Variants in MANEA observed in about 807,000 individuals in gnomAD.
MANEA encodes the protein mannosidase endo-alpha.
In MANEA, 25 loss-of-function variants were observed where a neutral mutation model predicts 36.8. The ratio of observed to expected loss-of-function variants is 0.68; its 90% CI spans 0.50 to 0.95. The LOEUF is 0.95. MANEA is among the 40% of genes least tolerant of loss of function. MANEA has a pLI of 0.00. For synonymous variants in MANEA, 198 were observed against 188.5 expected (o/e 1.05, Z -0.41); for missense variants, 565 against 558.8 (o/e 1.01, Z -0.11).
intron 3 of MANEA, among the ~76,000 whole-genome samples, chr6:95,601,274 T>G (rs1582229215): frequency 6.6e-6 from 1 of 152,178 alleles, no homozygotes; most frequent in Non-Finnish European, 1.5e-5. Context: ...GGAACAATTT[T>G]TTGAGTAAGA....
At chr6:95,594,159 C>A (rs182858888) in intron 2 of MANEA, among the ~76,000 whole-genome samples, 182 of 151,868 alleles carry the variant, frequency 1.2e-3, no homozygotes, top group African/African-American at 4.1e-3. Context: ...AGGGAAAAAA[C>A]AGAGAATGTT....
chr6:95,608,577 G>C lies in MANEA; in HGVS notation c.*2172G>C, dbSNP rs1003162497. ...AGATAAAGCAGATTCTGTCTTCATTGCAAAAAGTTATTCTCAATGGAAGAA... is the reference window on the plus strand; with the variant it reads ...AGATAAAGCAGATTCTGTCTTCATTCCAAAAAGTTATTCTCAATGGAAGAA... On this transcript the variant is annotated 3_prime_UTR_variant, in exon 5 of 5. Coordinates refer to ENST00000358812, the MANE Select transcript of MANEA (RefSeq NM_024641.4). 6.6e-6 allele frequency: 1 copy of C among 151,650 alleles called. No individual in the cohort carries two copies. The highest frequency in any genetic ancestry group is 2.4e-5 in the African/African-American group (1 of 41,356). 9.4% of individuals were successfully genotyped at this position (151,650 alleles called of 1,614,324 possible).
chr6:95,581,362 CAG>C (rs1172557462), intron 1 of MANEA, among the ~76,000 whole-genome samples: 1 of 151,630 alleles, frequency 6.6e-6, no homozygotes, highest in Non-Finnish European at 1.5e-5. Flanking sequence ...AATGAGAAGA[CAG>C]AGGATCAGCT....
chr6:95,599,590 T>C (rs557859791), intron 3 of MANEA, among the ~76,000 whole-genome samples: 2 of 152,200 alleles, frequency 1.3e-5, no homozygotes, highest in Non-Finnish European at 2.9e-5. Flanking sequence ...GTAAGATATG[T>C]TATGGACCAC....
chr6:95,605,454 T>G (rs9372484), intron 4 of MANEA, among the ~76,000 whole-genome samples: 2 of 151,878 alleles, frequency 1.3e-5, no homozygotes, highest in East Asian at 3.9e-4. Flanking sequence ...TTAGGTATTA[T>G]GTAGAGTATT....
chr6:95,586,402 C>T lies in MANEA; in HGVS notation c.-38C>T. The T allele has an allele frequency of 6.6e-7, 1 of 1,518,880 alleles. No homozygotes were observed. The highest frequency in any genetic ancestry group is 8.9e-7 in the Non-Finnish European group (1 of 1,119,058). 94.1% of individuals were successfully genotyped at this position (1,518,880 alleles called of 1,614,324 possible). ...ATTATCTTTTTTCAATAAATTGCAG[C>T]AAAACACTTACTATTTTGGAGTTTA... On this transcript the variant is annotated splice_region_variant and 5_prime_UTR_variant, in exon 2 of 5. An upstream open reading frame in the 5' UTR gains an earlier in-frame stop. Coordinates refer to ENST00000358812, the MANE Select transcript of MANEA (RefSeq NM_024641.4).
intron 1 of MANEA, among the ~76,000 whole-genome samples, chr6:95,585,233 A>C (rs946032437): frequency 6.6e-6 from 1 of 152,234 alleles, no homozygotes; most frequent in Non-Finnish European, 1.5e-5. Flanking sequence ...TTACTAAAAC[A>C]AAAACACATA....
chr6:95,606,113 G>T lies in MANEA; in HGVS notation c.1097G>T (p.Arg366Leu). The T allele has an allele frequency of 6.2e-7, 1 of 1,613,886 alleles. No individual in the cohort carries two copies. The highest frequency in any genetic ancestry group is 8.5e-7 in the Non-Finnish European group (1 of 1,179,928). The part of the protein sequence containing the change: ...VGPGYIDTSI[R>L]PWNTQNTRNR... ...CCAGGATACATAGATACCAGCATCCGTCCATGGAACACGCAAAACACTCGG... is the reference window on the plus strand; with the variant it reads ...CCAGGATACATAGATACCAGCATCCTTCCATGGAACACGCAAAACACTCGG... The change falls in exon 5 of 5, where the codon CGT (arginine) becomes CTT (leucine). Residue 366 changes from arginine (R) to leucine (L), a missense_variant. Physicochemically the swap from Arg to Leu is moderately radical, Grantham distance 102 (BLOSUM62 -2). Coordinates refer to ENST00000358812, the MANE Select transcript of MANEA (RefSeq NM_024641.4).
intron 3 of MANEA, among the ~76,000 whole-genome samples, chr6:95,603,935 G>A (rs1769651554): frequency 1.3e-5 from 2 of 151,908 alleles, no homozygotes; most frequent in Non-Finnish European, 2.9e-5. Context: ...CTTGATTTAT[G>A]TATAGCCAAC....
In MANEA at chr6:95,605,932, GA is replaced by G. The variant is rs748220425; in HGVS notation, c.921del (p.Lys307AsnfsTer35). ...DGLFIALLVE[E>X]KHKYDILQSG... ...ACTGTTTATTGCCCTTCTGGTAGAAGAAAAACATAAGTATGATATTCTTCAA... is the reference window on the plus strand; with the variant it reads ...ACTGTTTATTGCCCTTCTGGTAGAAGAAAACATAAGTATGATATTCTTCAA... On this transcript the variant is annotated frameshift_variant, in exon 5 of 5. Transcript: ENST00000358812. LOFTEE classifies it high-confidence loss of function. 7 of 1,613,822 alleles carry G rather than the reference GA, an allele frequency of 4.3e-6. No individual in the cohort carries two copies. The South Asian group carries it at 7.7e-5, about 18-fold the overall frequency.
intron 2 of MANEA, among the ~76,000 whole-genome samples, chr6:95,588,934 T>C (rs1769335686): frequency 6.6e-6 from 1 of 151,904 alleles, no homozygotes; most frequent in African/African-American, 2.4e-5. Context: ...AAAGACCTTT[T>C]TCCCTGTATA....
intron 1 of MANEA, among the ~76,000 whole-genome samples, chr6:95,577,943 G>A (rs1321639898): frequency 6.6e-6 from 1 of 152,206 alleles, no homozygotes; most frequent in African/African-American, 2.4e-5. Flanking sequence ...TCTTTGAAAC[G>A]GTACCTCCTG....
rs1332804721 is a variant in MANEA, at chr6:95,605,965, T to A, written c.949T>A (p.Phe317Ile). Residue 317 changes from phenylalanine to isoleucine, a missense_variant, in exon 5 of 5, where the codon TTT (phenylalanine) becomes ATT (isoleucine). Phe to Ile is a conservative substitution (Grantham distance 21). Coordinates refer to ENST00000358812, the MANE Select transcript of MANEA (RefSeq NM_024641.4). ...TAAGTATGATATTCTTCAAAGTGGT[T>A]TTGATGGAATTTACACATATTTTGC... ...KHKYDILQSG[F>I]DGIYTYFATN... is the part of the protein sequence containing the mutation. 1 of 1,613,894 alleles carries A rather than the reference T, an allele frequency of 6.2e-7. No individual in the cohort carries two copies. The highest frequency in any genetic ancestry group is 1.3e-5 in the African/African-American group (1 of 74,910).
intron 3 of MANEA, among the ~76,000 whole-genome samples, chr6:95,601,966 G>C (rs1230395153): frequency 6.6e-6 from 1 of 151,940 alleles, no homozygotes; most frequent in Non-Finnish European, 1.5e-5. Context: ...TGTGAAACAT[G>C]AATATAAGTA....
intron 3 of MANEA, among the ~76,000 whole-genome samples, chr6:95,599,324 G>T (rs188655357): frequency 6.6e-6 from 1 of 152,032 alleles, no homozygotes; most frequent in African/African-American, 2.4e-5. Flanking sequence ...GCTGAGGCAT[G>T]AGAATTGCTT....
At chr6:95,583,649 C>T (rs919251642) in intron 1 of MANEA, among the ~76,000 whole-genome samples, 1 of 152,016 alleles carries the variant, frequency 6.6e-6, no homozygotes, top group African/African-American at 2.4e-5. Context: ...AAATGGTAAA[C>T]ACAAAATTCA....
chr6:95,578,150 G>C (rs952195171), intron 1 of MANEA, among the ~76,000 whole-genome samples: 2 of 152,180 alleles, frequency 1.3e-5, no homozygotes, highest in African/African-American at 4.8e-5. Flanking sequence ...GGAGGAGACC[G>C]CCCGATGGCG....
At chr6:95,591,957 C>G (rs1254134664) in intron 2 of MANEA, among the ~76,000 whole-genome samples, 1 of 152,218 alleles carries the variant, frequency 6.6e-6, no homozygotes, top group African/African-American at 2.4e-5. Flanking sequence ...CTGCCTGGGC[C>G]TCCCAAAGTG....
chr6:95,580,265 A>G (rs1167072477), intron 1 of MANEA, among the ~76,000 whole-genome samples: 1 of 152,178 alleles, frequency 6.6e-6, no homozygotes. Flanking sequence ...ATGAAACAGC[A>G]AAGAGCCAGA....
Sources: gnomAD v4.1 joint callset for allele counts (sites outside exome capture counted in the v4.1 genomes callset) on GRCh38, gnomAD v4.1.1 for gene constraint, MANE v1.5 for transcripts, NCBI Gene and HGNC (gene_info 2026-07-23, HGNC 2026-07-21) for gene names.